Variants in SH3PXD2B observed in about 807,000 individuals in gnomAD.
SH3PXD2B encodes the protein SH3 and PX domains 2B, also known as SH3 and PX domain-containing protein 2B.
SH3PXD2B carries 37 observed loss-of-function variants against 73.1 expected under a neutral mutation model. The ratio of observed to expected loss-of-function variants is 0.51; its 90% CI spans 0.39 to 0.67. The LOEUF is 0.67. Ranked by LOEUF, SH3PXD2B falls within the 30% of genes least tolerant of loss-of-function variation. The probability of loss-of-function intolerance (pLI) is 0.00; values close to 1 mark genes in which losing one functional copy is unlikely to be tolerated. For synonymous variants in SH3PXD2B, 457 were observed against 480.5 expected (o/e 0.95, Z 0.64); for missense variants, 1,053 against 1,197.8 (o/e 0.88, Z 1.78).
At chr5:172,435,424 AT>A (rs1759366159) in intron 1 of SH3PXD2B, among the ~76,000 whole-genome samples, 1 of 151,510 alleles carries the variant, frequency 6.6e-6, no homozygotes. Flanking sequence ...ATCTGGAGGT[AT>A]TTGTTTGTTT....
At chr5:172,414,730 T>C (rs773187894) in intron 2 of SH3PXD2B, among the ~76,000 whole-genome samples, 4 of 152,182 alleles carry the variant, frequency 2.6e-5, no homozygotes, top group Non-Finnish European at 5.9e-5. Flanking sequence ...AACTTCCCCG[T>C]AGGGAGTGTT....
chr5:172,396,568 T>G (rs1283631025), intron 3 of SH3PXD2B, among the ~76,000 whole-genome samples: 1 of 151,584 alleles, frequency 6.6e-6, no homozygotes, highest in African/African-American at 2.4e-5. Flanking sequence ...AAAAGGACAC[T>G]ATTTGGAAAC....
chr5:172,378,621 A>G (rs778472993), intron 5 of SH3PXD2B, among the ~76,000 whole-genome samples: 1 of 152,222 alleles, frequency 6.6e-6, no homozygotes, highest in Admixed American at 6.5e-5. Context: ...CCCTTGGGCA[A>G]TATGGTCTGT....
Position 172,343,494 on chromosome 5 carries a change from G to A in SH3PXD2B, c.1188+2642C>T, listed in dbSNP as rs150192520. ...CTAGAGGGAAGCCAAGAACTACTAG[G>A]AATAAAAGCAAATGCAAGATCAGAA... On this transcript the variant is annotated intron_variant, in intron 12 of 12. Transcript: ENST00000311601. 3.1e-3 allele frequency among the ~76,000 whole-genome samples: 476 copies of A among 152,274 alleles called. 1 individual carries two copies. Among genetic ancestry groups the A allele is most frequent in the East Asian group, 9.3e-3 (48 of 5,186 alleles).
intron 1 of SH3PXD2B, among the ~76,000 whole-genome samples, chr5:172,435,238 G>C (rs1759346767): frequency 6.6e-6 from 1 of 152,156 alleles, no homozygotes. Flanking sequence ...ATAGTAGACA[G>C]CTAAAATTTC....
At chr5:172,391,471 CTCTT>C (rs1405727765) in intron 4 of SH3PXD2B, among the ~76,000 whole-genome samples, 1 of 152,088 alleles carries the variant, frequency 6.6e-6, no homozygotes, top group Middle Eastern at 3.2e-3. Flanking sequence ...CCATTTCTTT[CTCTT>C]TTTTTGAGAT....
chr5:172,400,772 T>C (rs1350256404), intron 3 of SH3PXD2B, among the ~76,000 whole-genome samples: 1 of 152,234 alleles, frequency 6.6e-6, no homozygotes, highest in Non-Finnish European at 1.5e-5. Context: ...AATGCATTAA[T>C]TGTCATTTAT....
At chr5:172,381,209 G>C (rs1757936607) in intron 5 of SH3PXD2B, among the ~76,000 whole-genome samples, 1 of 152,256 alleles carries the variant, frequency 6.6e-6, no homozygotes, top group South Asian at 2.1e-4. Flanking sequence ...AGCGCCAAGA[G>C]CAGCAGCATC....
intron 7 of SH3PXD2B, among the ~76,000 whole-genome samples, chr5:172,360,730 G>A: frequency 6.6e-6 from 1 of 152,184 alleles, no homozygotes; most frequent in Middle Eastern, 3.2e-3. Context: ...TGCTTGGGAG[G>A]CTGAGACAGG....
intron 7 of SH3PXD2B, among the ~76,000 whole-genome samples, chr5:172,361,055 T>A (rs1757392757): frequency 6.6e-6 from 1 of 152,126 alleles, no homozygotes; most frequent in Non-Finnish European, 1.5e-5. Context: ...CAGATCAAAA[T>A]GTATACAATG....
chr5:172,402,983 G>A (rs528067945), intron 3 of SH3PXD2B, among the ~76,000 whole-genome samples: 32 of 152,384 alleles, frequency 2.1e-4, no homozygotes, highest in African/African-American at 7.0e-4. Flanking sequence ...GCAGAACCGT[G>A]AGGCCAGTGG....
At chr5:172,345,701 G>C (rs771178154) in intron 12 of SH3PXD2B, among the ~76,000 whole-genome samples, 2 of 152,218 alleles carry the variant, frequency 1.3e-5, no homozygotes, top group Non-Finnish European at 2.9e-5. Flanking sequence ...GGGAAGAAAA[G>C]GAGAGAGGAG....
intron 12 of SH3PXD2B, among the ~76,000 whole-genome samples, chr5:172,342,209 C>G (rs1756867886): frequency 6.6e-6 from 1 of 152,160 alleles, no homozygotes. Flanking sequence ...GTTTAAGCCA[C>G]CCAGTCTGGT....
chr5:172,345,093 AGAAGGAGGGAAGGAAGAAGGGAAG>A (rs1433103687), intron 12 of SH3PXD2B, among the ~76,000 whole-genome samples: 1 of 146,238 alleles, frequency 6.8e-6, no homozygotes, highest in African/African-American at 2.7e-5. Flanking sequence ...AGGGAAGGAA[AGAAGGAGGGAAGGAAGAAGGGAAG>A]GAAGGAGGGA....
At position 172,339,349 on chromosome 5, in the gene SH3PXD2B, T is replaced by G; in HGVS notation, c.1756A>C (p.Arg586=). The change falls in exon 13 of 13, where the codon AGA becomes CGA. Residue 586 remains arginine, a synonymous_variant. Transcript: ENST00000311601. The surrounding 1 kb of genome is among the most constrained non-coding windows in gnomAD (Gnocchi z 6.1). ...ATGTCATTTTTCAGCTGGAACAGTC[T>G]GCTTTTGTCAGGTTTGGGCTCTGGC... ...RRPEPKPDKS[R]LFQLKNDMGL... is the part of the protein sequence containing the mutation. The G allele has an allele frequency of 6.2e-7, 1 of 1,614,196 alleles. No individual in the cohort carries two copies. The highest frequency in any genetic ancestry group is 8.5e-7 in the Non-Finnish European group (1 of 1,180,034).
At chr5:172,362,308 C>G (rs1173557634) in intron 7 of SH3PXD2B, among the ~76,000 whole-genome samples, 1 of 152,160 alleles carries the variant, frequency 6.6e-6, no homozygotes, top group Non-Finnish European at 1.5e-5. Context: ...GTGTTCATGA[C>G]CAGTGGTCCC....
chr5:172,379,767 T>C (rs985963657), intron 5 of SH3PXD2B, among the ~76,000 whole-genome samples: 2 of 152,106 alleles, frequency 1.3e-5, no homozygotes, highest in Admixed American at 1.3e-4. Flanking sequence ...CATTTCACAA[T>C]AGAGCAAGTG....
chr5:172,444,067 C>G (rs558102687), intron 1 of SH3PXD2B, among the ~76,000 whole-genome samples: 1 of 152,184 alleles, frequency 6.6e-6, no homozygotes, highest in Non-Finnish European at 1.5e-5. Context: ...CCAGCAACAG[C>G]GCCCTGAATC....
rs2339428 is a variant in SH3PXD2B at position 172,335,571 on chromosome 5, A to G, written c.*2798T>C. 653,906 of 1,231,542 alleles carry G rather than the reference A, an allele frequency of 0.53. 174,584 individuals carry two copies. Among genetic ancestry groups the G allele is most frequent in the South Asian group, 0.74 (17,890 of 24,308 alleles). 76.3% of individuals were successfully genotyped at this position (1,231,542 alleles called of 1,614,324 possible). On this transcript the variant is annotated 3_prime_UTR_variant, in exon 13 of 13. Transcript: ENST00000311601. ...CTCACAGGCTTGCCGTAAGGATTAA[A>G]GGAGCGTGTGTGTTTAGGCACTGGT...
Sources: allele counts gnomAD v4.1 joint callset (sites outside exome capture counted in the v4.1 genomes callset), GRCh38; gene constraint gnomAD v4.1.1; non-coding constraint Gnocchi (gnomAD v3.1); transcripts MANE v1.5; gene names NCBI Gene and HGNC (gene_info 2026-07-23, HGNC 2026-07-21).